VPS50: variants seen among roughly 807,000 people sequenced by gnomAD.
VPS50 encodes VPS50 subunit of EARP/GARPII complex.
Under a neutral mutation model 139.7 loss-of-function variants are expected in VPS50, and 70 were observed. That is an observed-to-expected ratio of 0.50 (90% CI 0.41 to 0.61). VPS50 has a LOEUF of 0.61. Among genes scored for constraint, VPS50 ranks in the 20% least tolerant of loss-of-function variants. The pLI is 0.00. For synonymous variants in VPS50, 365 were observed against 376.7 expected (o/e 0.97, Z 0.36); for missense variants, 921 against 1,133.7 (o/e 0.81, Z 2.69).
intron 21 of VPS50, among the ~76,000 whole-genome samples, chr7:93,329,003 A>G (rs1363595363): frequency 6.6e-6 from 1 of 152,182 alleles, no homozygotes; most frequent in African/African-American, 2.4e-5. Flanking sequence ...AAACTTATGT[A>G]CTGAAAACAA....
intron 21 of VPS50, among the ~76,000 whole-genome samples, chr7:93,329,444 A>G (rs954446267): frequency 1.3e-5 from 2 of 152,114 alleles, no homozygotes; most frequent in African/African-American, 4.8e-5. Flanking sequence ...AAAGTCTCAC[A>G]AACATGTTCG....
rs1341638068 is a variant in VPS50, at chr7:93,276,321, A to G, written c.942+16A>G. On this transcript the variant is annotated intron_variant, in intron 12 of 27. Coordinates refer to ENST00000305866, the MANE Select transcript of VPS50 (RefSeq NM_017667.4). ...TCTCTGTACAGTATGTAGTGACTTA[A>G]TTACTATTCATATATCTCTCCTTTA... The G allele has an allele frequency of 6.3e-6, 10 of 1,599,390 alleles. No individual in the cohort carries two copies. The highest frequency in any genetic ancestry group is 8.6e-6 in the Non-Finnish European group (10 of 1,168,902).
chr7:93,296,854 GTCTTAT>G lies in VPS50; in HGVS notation c.1262+23_1262+28del. 6.3e-7 allele frequency: 1 copy of G among 1,575,900 alleles called. No individual in the cohort carries two copies. The highest frequency in any genetic ancestry group is 8.6e-7 in the Non-Finnish European group (1 of 1,167,978). On this transcript the variant is annotated intron_variant, in intron 15 of 27. Transcript: ENST00000305866. Reference sequence around the variant, plus strand: ...ATCAGCAGGTAGTATTTAAGATCTTGTCTTATTCTTTAGTTTGAGTCATTCAACCAT... The same window carrying G: ...ATCAGCAGGTAGTATTTAAGATCTTGTCTTTAGTTTGAGTCATTCAACCAT...
At chr7:93,345,029 C>T (rs764133769) in intron 23 of VPS50, among the ~76,000 whole-genome samples, 102 of 152,084 alleles carry the variant, frequency 6.7e-4, no homozygotes, top group Non-Finnish European at 1.2e-3. Flanking sequence ...ACAAAATTAA[C>T]GAATCCAGGA....
At chr7:93,238,143 T>A (rs972713382) in intron 1 of VPS50, among the ~76,000 whole-genome samples, 2 of 152,224 alleles carry the variant, frequency 1.3e-5, no homozygotes, top group African/African-American at 4.8e-5. Flanking sequence ...GAAGTGTAGT[T>A]TGGTAACTCA....
chr7:93,341,381 A>C, intron 22 of VPS50, 46 bp from the exon 23 acceptor site: 1 of 1,383,644 alleles, frequency 7.2e-7, no homozygotes, highest in Non-Finnish European at 9.9e-7. Context: ...GTGGTTTATT[A>C]CTGTTAGATT....
chr7:93,309,197 G>C (rs1278864033), intron 19 of VPS50, among the ~76,000 whole-genome samples: 3 of 151,872 alleles, frequency 2.0e-5, no homozygotes, highest in Non-Finnish European at 4.4e-5. Context: ...ACCTTTGCTG[G>C]TATCTCACAG....
At position 93,297,197 on chromosome 7, in the gene VPS50, G is replaced by C. The variant is rs369316514; in HGVS notation, c.1315G>C (p.Glu439Gln). 1.5e-5 allele frequency: 23 copies of C among 1,562,932 alleles called. No homozygotes were observed. Among genetic ancestry groups the C allele is most frequent in the African/African-American group, 2.8e-5 (2 of 70,932 alleles). ...TGGTAGCAAGTCTGAAGTTTTACAGGAATCTATTAGAAAACAAAGTGTCAA... is the reference window on the plus strand; with the variant it reads ...TGGTAGCAAGTCTGAAGTTTTACAGCAATCTATTAGAAAACAAAGTGTCAA... ...FCGSKSEVLQ[E>Q]SIRKQSVNYF... Residue 439 changes from glutamate (E) to glutamine (Q), a missense_variant, in exon 16 of 28, where the codon GAA becomes CAA. Glu to Gln is a conservative substitution (Grantham distance 29). Coordinates refer to ENST00000305866, the MANE Select transcript of VPS50 (RefSeq NM_017667.4).
rs958070978 is a variant in VPS50, at chr7:93,359,085, C to T, written c.*649C>T. 3 of 151,988 alleles carry T rather than the reference C, an allele frequency of 2.0e-5. No individual in the cohort carries two copies. The highest frequency in any genetic ancestry group is 7.3e-5 in the African/African-American group (3 of 41,376). The allele number at this position is 151,988 out of a possible 1,614,324, so 9.4% of individuals were successfully genotyped here. ...GCAGATGTCATGAACTATAGTGCAG[C>T]TTTTAGTGTGTTCTAATTTTAATTG... On this transcript the variant is annotated 3_prime_UTR_variant, in exon 28 of 28. Transcript: ENST00000305866.
intron 13 of VPS50, among the ~76,000 whole-genome samples, chr7:93,292,595 A>G (rs1336138360): frequency 6.6e-6 from 1 of 152,046 alleles, no homozygotes; most frequent in African/African-American, 2.4e-5. Flanking sequence ...ATTATATACA[A>G]TTTATTGTAG....
At chr7:93,347,613 T>C (rs1435366500) in intron 23 of VPS50, among the ~76,000 whole-genome samples, 1 of 143,292 alleles carries the variant, frequency 7.0e-6, no homozygotes, top group Admixed American at 7.0e-5. Context: ...TAAGAAAATG[T>C]GGCACATATA....
intron 20 of VPS50, among the ~76,000 whole-genome samples, chr7:93,314,994 C>T (rs1033870111): frequency 3.9e-5 from 6 of 152,156 alleles, no homozygotes; most frequent in Non-Finnish European, 8.8e-5. Flanking sequence ...AGCAGAGCCC[C>T]TGAGCTGCAA....
chr7:93,275,314 A>G (rs1796120894), intron 11 of VPS50, among the ~76,000 whole-genome samples: 1 of 152,186 alleles, frequency 6.6e-6, no homozygotes, highest in Non-Finnish European at 1.5e-5. Flanking sequence ...ATGCTATCAA[A>G]CAGCATCGCA....
chr7:93,350,217 G>C (rs1004392611), intron 25 of VPS50, among the ~76,000 whole-genome samples, 184 bp downstream of exon 25: 2 of 152,092 alleles, frequency 1.3e-5, no homozygotes, highest in Non-Finnish European at 2.9e-5. Context: ...CTAAGAATAC[G>C]TCGTAGATTT....
At position 93,272,685 on chromosome 7, in the gene VPS50, C is replaced by A; in HGVS notation, c.753C>A (p.Asn251Lys). 3 of 1,578,004 alleles carry A rather than the reference C, an allele frequency of 1.9e-6. No homozygotes were observed. The highest frequency in any genetic ancestry group is 2.6e-6 in the Non-Finnish European group (3 of 1,156,478). Residue 251 changes from asparagine (N) to lysine (K), a missense_variant, in exon 11 of 28, where the codon AAC becomes AAA. Physicochemically the swap from Asn to Lys is moderately conservative, Grantham distance 94. Coordinates refer to ENST00000305866, the MANE Select transcript of VPS50 (RefSeq NM_017667.4). ...LSKICKNFDI[N>K]HYTKVQQAYR... Reference sequence around the variant, plus strand: ...AAATCTGCAAGAATTTTGACATTAACCATTATACCAAGGTTCAACAAGCTT... The same window carrying A: ...AAATCTGCAAGAATTTTGACATTAAACATTATACCAAGGTTCAACAAGCTT...
At chr7:93,290,337 A>G (rs1238453329) in intron 12 of VPS50, among the ~76,000 whole-genome samples, 2 of 151,986 alleles carry the variant, frequency 1.3e-5, no homozygotes, top group African/African-American at 4.8e-5. Context: ...CTGTGAATCA[A>G]ACAAAGAAAT....
intron 8 of VPS50, 146 bp from the exon 9 acceptor site, chr7:93,259,404 A>G (rs1795596980): frequency 6.3e-6 from 3 of 478,902 alleles, no homozygotes; most frequent in African/African-American, 2.0e-5. Flanking sequence ...ATATTTTGTC[A>G]CTTATCTATC....
chr7:93,270,390 A>G (rs1196020242), intron 9 of VPS50, among the ~76,000 whole-genome samples: 2 of 152,044 alleles, frequency 1.3e-5, no homozygotes, highest in African/African-American at 4.8e-5. Flanking sequence ...ATGGAAGCAT[A>G]CAGTATATAC....
intron 21 of VPS50, among the ~76,000 whole-genome samples, chr7:93,333,095 A>T (rs565690514): frequency 6.6e-6 from 1 of 152,310 alleles, no homozygotes; most frequent in African/African-American, 2.4e-5. Flanking sequence ...TGTAATTTAT[A>T]TATAAATAAT....
Sources: gnomAD v4.1 joint callset for allele counts (sites outside exome capture counted in the v4.1 genomes callset) on GRCh38, gnomAD v4.1.1 for gene constraint, MANE v1.5 for transcripts, NCBI Gene and HGNC (gene_info 2026-07-23, HGNC 2026-07-21) for gene names.